The following NEK1 variants were observed in gnomAD, a reference collection of about 807,000 sequenced individuals.
NEK1 encodes NIMA related kinase 1.
In NEK1, 137 loss-of-function variants were observed where a neutral mutation model predicts 182.1. That is an observed-to-expected ratio of 0.75 (90% confidence interval 0.65 to 0.87). NEK1 has a LOEUF of 0.87. Among genes scored for constraint, NEK1 ranks in the 40% least tolerant of loss-of-function variants. NEK1 has a pLI of 0.00. For synonymous variants in NEK1, 513 were observed against 492.2 expected, an observed-to-expected ratio of 1.04 and a Z score of -0.56; for missense variants, 1,391 against 1,494.4, an observed-to-expected ratio of 0.93 and a Z score of 1.14.
chr4:169,507,187 T>TTTA, intron 22 of NEK1, 55 bp from the exon 23 acceptor site: 1 of 953,424 alleles, frequency 1.0e-6, no homozygotes, highest in East Asian at 2.8e-5. Flanking sequence ...GCAGAGGTTT[T>TTTA]TTTTTTTTTT....
chr4:169,423,196 G>A (rs902996654), intron 31 of NEK1, among the ~76,000 whole-genome samples: 4 of 152,060 alleles, frequency 2.6e-5, no homozygotes, highest in Admixed American at 2.0e-4. Context: ...TCCACCTCCC[G>A]GGTTCAAGTG....
chr4:169,494,696 T>G (rs1358506552), intron 23 of NEK1, among the ~76,000 whole-genome samples: 1 of 152,246 alleles, frequency 6.6e-6, no homozygotes, highest in East Asian at 1.9e-4. Context: ...ATGGTTGAAC[T>G]ACTTTACAGT....
intron 29 of NEK1, among the ~76,000 whole-genome samples, chr4:169,432,032 A>G (rs1471989460): frequency 6.6e-6 from 1 of 152,022 alleles, no homozygotes; most frequent in African/African-American, 2.4e-5. Context: ...AAGAGTTTTT[A>G]CTAATTTATA....
intron 30 of NEK1, among the ~76,000 whole-genome samples, chr4:169,425,236 G>C (rs1185573739): frequency 1.3e-5 from 2 of 152,076 alleles, no homozygotes; most frequent in Non-Finnish European, 2.9e-5. Context: ...AAACCAGCCT[G>C]AGCAACTAAG....
chr4:169,595,790 G>A (rs1005701422), intron 5 of NEK1, among the ~76,000 whole-genome samples: 1 of 151,910 alleles, frequency 6.6e-6, no homozygotes, highest in Non-Finnish European at 1.5e-5. Flanking sequence ...CGGCGTGGTG[G>A]CGGGCGCCTG....
intron 29 of NEK1, 30 bp downstream of exon 29, chr4:169,433,515 T>A: frequency 6.3e-7 from 1 of 1,582,330 alleles, no homozygotes; most frequent in Admixed American, 1.8e-5. Flanking sequence ...GGGACCTGGG[T>A]TTTAAAATGT....
At chr4:169,433,741 A>G (rs1737864559) in intron 28 of NEK1, 76 bp from the exon 29 acceptor site, 3 of 1,424,278 alleles carry the variant, frequency 2.1e-6, no homozygotes, top group South Asian at 2.5e-5. Flanking sequence ...CTTGCTATAA[A>G]TTATTGCTAC....
chr4:169,494,469 T>C (rs370501610), intron 23 of NEK1, among the ~76,000 whole-genome samples: 3 of 152,250 alleles, frequency 2.0e-5, no homozygotes, highest in East Asian at 1.9e-4. Flanking sequence ...GGTGTATATG[T>C]GCCACATATT....
At chr4:169,518,442 C>T (rs1002591259) in intron 19 of NEK1, among the ~76,000 whole-genome samples, 3 of 136,122 alleles carry the variant, frequency 2.2e-5, no homozygotes, top group Non-Finnish European at 4.6e-5. Flanking sequence ...TTTGTTGATC[C>T]TTTCAAAAAA....
intron 27 of NEK1, among the ~76,000 whole-genome samples, chr4:169,439,689 T>C (rs1431146593): frequency 6.6e-6 from 1 of 152,108 alleles, no homozygotes; most frequent in Non-Finnish European, 1.5e-5. Context: ...CTATTTCTTG[T>C]CACTGATGAT....
Position 169,477,111 on chromosome 4 carries a change from CTACTA to C in NEK1, c.2434+8_2434+12del, listed in dbSNP as rs1252457960. ...TAGACCTAAATAGGATATTAATATA[CTACTA>C]TACATACTTTCAGTTGTAGAGAAGG... On this transcript the variant is annotated splice_region_variant and intron_variant, in intron 26 of 35. Coordinates refer to ENST00000507142, the MANE Select transcript of NEK1 (RefSeq NM_001199397.3). The C allele has an allele frequency of 6.5e-7, 1 of 1,537,934 alleles. No individual in the cohort carries two copies.
intron 23 of NEK1, among the ~76,000 whole-genome samples, chr4:169,486,212 G>T (rs533565682): frequency 6.6e-6 from 1 of 151,924 alleles, no homozygotes; most frequent in Non-Finnish European, 1.5e-5. Context: ...TTCTCACAAG[G>T]TTCATAAATT....
chr4:169,465,569 G>T (rs1260912100), intron 26 of NEK1, among the ~76,000 whole-genome samples: 1 of 152,062 alleles, frequency 6.6e-6, no homozygotes, highest in African/African-American at 2.4e-5. Context: ...AGAAATTTTA[G>T]AGAAAGTTTA....
At chr4:169,604,205 T>C (rs1347445537) in intron 2 of NEK1, among the ~76,000 whole-genome samples, 1 of 152,242 alleles carries the variant, frequency 6.6e-6, no homozygotes, top group Admixed American at 6.5e-5. Flanking sequence ...ATCTTTTCTT[T>C]ATATTTCTAC....
At chr4:169,498,836 C>T (rs1751868075) in intron 23 of NEK1, among the ~76,000 whole-genome samples, 1 of 152,162 alleles carries the variant, frequency 6.6e-6, no homozygotes, top group Non-Finnish European at 1.5e-5. Context: ...CTGCCCTTAA[C>T]ATTTTTTCCT....
intron 12 of NEK1, among the ~76,000 whole-genome samples, chr4:169,570,090 C>A (rs1469599119): frequency 6.6e-6 from 1 of 151,236 alleles, no homozygotes; most frequent in Non-Finnish European, 1.5e-5. Flanking sequence ...AAGTGAGGAG[C>A]GTCTCTGCCT....
At chr4:169,542,557 G>C (rs1759638729) in intron 18 of NEK1, among the ~76,000 whole-genome samples, 1 of 152,156 alleles carries the variant, frequency 6.6e-6, no homozygotes, top group African/African-American at 2.4e-5. Flanking sequence ...TCTAGTTCTA[G>C]ATCCTTGAGG....
At chr4:169,469,431 G>A (rs544252934) in intron 26 of NEK1, among the ~76,000 whole-genome samples, 1 of 152,296 alleles carries the variant, frequency 6.6e-6, no homozygotes, top group Admixed American at 6.5e-5. Context: ...GTGAGGTTTT[G>A]AGGGAGTTTC....
At chr4:169,489,773 C>T (rs1446564880) in intron 23 of NEK1, among the ~76,000 whole-genome samples, 1 of 152,270 alleles carries the variant, frequency 6.6e-6, no homozygotes, top group East Asian at 1.9e-4. Context: ...CTTCTCCAGA[C>T]CCATGCCAGT....
Sources: allele counts gnomAD v4.1 joint callset (sites outside exome capture counted in the v4.1 genomes callset), GRCh38; gene constraint gnomAD v4.1.1; transcripts MANE v1.5; gene names NCBI Gene and HGNC (gene_info 2026-07-23, HGNC 2026-07-21).